The following CTNNA3 variants were observed in gnomAD, a reference collection of about 807,000 sequenced individuals.
CTNNA3 encodes the protein catenin alpha-3.
CTNNA3 carries 76 observed loss-of-function variants against 95.7 expected under a neutral mutation model. That is an observed-to-expected ratio of 0.79 (90% CI 0.66 to 0.96). The LOEUF (loss-of-function observed/expected upper bound fraction) is 0.96, where lower values mean the gene tolerates loss of function less well. Ranked by LOEUF, CTNNA3 falls within the 40% of genes least tolerant of loss-of-function variation. The pLI, the probability that CTNNA3 is intolerant of heterozygous loss-of-function variation, is 0.00. For synonymous variants in CTNNA3, 431 were observed against 374.4 expected (o/e 1.15, Z -1.74); for missense variants, 1,191 against 1,089.8 (o/e 1.09, Z -1.31).
chr10:66,745,842 G>A (rs1359240344), intron 9 of CTNNA3, among the ~76,000 whole-genome samples: 3 of 149,710 alleles, frequency 2.0e-5, no homozygotes, highest in Non-Finnish European at 4.4e-5. Flanking sequence ...CTCGTGATCC[G>A]CCTGCCTTGG....
intron 10 of CTNNA3, among the ~76,000 whole-genome samples, chr10:66,601,344 A>C (rs1209140991): frequency 1.3e-5 from 2 of 151,962 alleles, no homozygotes; most frequent in African/African-American, 4.8e-5. Context: ...AAAAAGTAGA[A>C]TTTTATTGTG....
intron 11 of CTNNA3, among the ~76,000 whole-genome samples, chr10:66,395,142 G>A (rs1395476896): frequency 1.3e-5 from 2 of 152,006 alleles, no homozygotes; most frequent in Admixed American, 6.6e-5. Context: ...GTAGATATAC[G>A]TCTTAGGGAA....
chr10:67,630,711 T>C (rs536461260), intron 2 of CTNNA3, among the ~76,000 whole-genome samples: 1 of 152,140 alleles, frequency 6.6e-6, no homozygotes, highest in Non-Finnish European at 1.5e-5. Flanking sequence ...GACAAAGAAA[T>C]AATGTTTATT....
chr10:66,685,222 T>G (rs1271696200), intron 9 of CTNNA3, among the ~76,000 whole-genome samples: 5 of 142,748 alleles, frequency 3.5e-5, no homozygotes, highest in Non-Finnish European at 7.6e-5. Flanking sequence ...TATATGTGTA[T>G]ATATATACGT....
At chr10:66,878,325 C>A (rs987994877) in intron 7 of CTNNA3, among the ~76,000 whole-genome samples, 3 of 152,118 alleles carry the variant, frequency 2.0e-5, no homozygotes, top group Non-Finnish European at 4.4e-5. Flanking sequence ...GCAGCCTCAA[C>A]TCCCACTATT....
intron 7 of CTNNA3, among the ~76,000 whole-genome samples, chr10:66,896,923 T>C (rs1173812066): frequency 6.6e-6 from 1 of 152,190 alleles, no homozygotes; most frequent in Non-Finnish European, 1.5e-5. Context: ...CCTCCATTAG[T>C]CCTTACCATT....
At chr10:66,202,517 C>T (rs771381401) in intron 13 of CTNNA3, among the ~76,000 whole-genome samples, 1 of 152,132 alleles carries the variant, frequency 6.6e-6, no homozygotes, top group African/African-American at 2.4e-5. Context: ...TACTCTGGTT[C>T]GGTAGGCTGC....
chr10:66,845,252 T>A (rs190829455), intron 7 of CTNNA3, among the ~76,000 whole-genome samples: 1 of 152,100 alleles, frequency 6.6e-6, no homozygotes, highest in African/African-American at 2.4e-5. Context: ...GACATAAACG[T>A]GACCAACAGG....
intron 9 of CTNNA3, among the ~76,000 whole-genome samples, chr10:66,636,171 G>A (rs1007496135): frequency 4.6e-5 from 7 of 151,932 alleles, no homozygotes; most frequent in African/African-American, 1.7e-4. Context: ...TCTCAGGAGG[G>A]CTCCTTGAAT....
At chr10:66,516,955 G>A (rs1368252615) in intron 11 of CTNNA3, among the ~76,000 whole-genome samples, 1 of 152,120 alleles carries the variant, frequency 6.6e-6, no homozygotes, top group East Asian at 1.9e-4. Context: ...GGGCAAGGTG[G>A]CTCACACCTA....
intron 11 of CTNNA3, among the ~76,000 whole-genome samples, chr10:66,405,969 G>A (rs761699803): frequency 4.6e-5 from 7 of 152,034 alleles, no homozygotes; most frequent in African/African-American, 1.4e-4. Context: ...TGCTTTGTCC[G>A]CTTATATATA....
intron 15 of CTNNA3, among the ~76,000 whole-genome samples, chr10:66,000,725 T>C (rs768038466): frequency 1.3e-5 from 2 of 152,168 alleles, no homozygotes; most frequent in Non-Finnish European, 1.5e-5. Flanking sequence ...TGCCAGACAC[T>C]ATACTATACA....
chr10:66,889,920 A>G (rs914424153), intron 7 of CTNNA3, among the ~76,000 whole-genome samples: 3 of 151,424 alleles, frequency 2.0e-5, no homozygotes, highest in Admixed American at 6.6e-5. Flanking sequence ...CCTCCCAAGT[A>G]GTTGGGATTA....
intron 13 of CTNNA3, among the ~76,000 whole-genome samples, chr10:66,166,837 C>T (rs141117438): frequency 4.7e-4 from 72 of 152,150 alleles, no homozygotes; most frequent in African/African-American, 1.6e-3. Context: ...GAAAAATATT[C>T]AATGTGTCCT....
intron 9 of CTNNA3, among the ~76,000 whole-genome samples, chr10:66,701,212 T>C (rs1847932084): frequency 6.6e-6 from 1 of 152,116 alleles, no homozygotes; most frequent in African/African-American, 2.4e-5. Context: ...TCATTTCTAT[T>C]GATCTATTTT....
chr10:67,110,680 T>C (rs1457159886), intron 7 of CTNNA3, among the ~76,000 whole-genome samples: 1 of 152,168 alleles, frequency 6.6e-6, no homozygotes, highest in Admixed American at 6.6e-5. Flanking sequence ...AATTAAAACA[T>C]CTGCATAATT....
intron 5 of CTNNA3, among the ~76,000 whole-genome samples, chr10:67,342,704 C>T (rs1255210910): frequency 6.6e-6 from 1 of 151,992 alleles, no homozygotes; most frequent in Non-Finnish European, 1.5e-5. Flanking sequence ...TGTCTTTTTT[C>T]GCCAATGTAT....
chr10:66,896,688 A>G (rs1254990742), intron 7 of CTNNA3, among the ~76,000 whole-genome samples: 2 of 152,170 alleles, frequency 1.3e-5, no homozygotes, highest in African/African-American at 4.8e-5. Context: ...GGACTTCACC[A>G]GTCACGGCCT....
chr10:67,576,300 G>T (rs1414015520), intron 3 of CTNNA3, among the ~76,000 whole-genome samples: 3 of 152,104 alleles, frequency 2.0e-5, no homozygotes, highest in African/African-American at 7.2e-5. Context: ...GACCTTGAGA[G>T]TCATTTGACC....
Sources: allele counts gnomAD v4.1 joint callset (sites outside exome capture counted in the v4.1 genomes callset), GRCh38; gene constraint gnomAD v4.1.1; transcripts MANE v1.5; gene names NCBI Gene and HGNC (gene_info 2026-07-23, HGNC 2026-07-21).